CYP2A13: variants seen among roughly 807,000 people sequenced by gnomAD.
The protein encoded by CYP2A13 is cytochrome P450 2A13.
In CYP2A13, 30 loss-of-function variants were observed where a neutral mutation model predicts 39.4. The ratio of observed to expected loss-of-function variants is 0.76; its 90% CI spans 0.57 to 1.03. The LOEUF (loss-of-function observed/expected upper bound fraction) is 1.03, where lower values mean the gene tolerates loss of function less well. CYP2A13 is among the 50% of genes least tolerant of loss of function. The pLI is 0.00. For synonymous variants in CYP2A13, 269 were observed against 254.7 expected (o/e 1.06, Z -0.54); for missense variants, 731 against 648.4 (o/e 1.13, Z -1.38).
intron 5 of CYP2A13, among the ~76,000 whole-genome samples, chr19:41,093,389 C>G (rs540695933): frequency 6.6e-6 from 1 of 151,528 alleles, no homozygotes; most frequent in African/African-American, 2.4e-5. Context: ...AACCAACTGA[C>G]AGCTAAGTTG....
chr19:41,091,613 C>G (rs2031189523), intron 4 of CYP2A13, 119 bp from the exon 5 acceptor site: 1 of 1,461,484 alleles, frequency 6.8e-7, no homozygotes, highest in African/African-American at 1.4e-5. Flanking sequence ...AATACCTAAA[C>G]ACCTGGACAG....
chr19:41,089,170 C>T lies in CYP2A13; in HGVS notation c.343+79C>T. ...TGTCCCCAGCCTTCTCCCTGACTCTCCTGCCCACTGGAGGCTATGGCAGAG... is the reference window on the plus strand; with the variant it reads ...TGTCCCCAGCCTTCTCCCTGACTCTTCTGCCCACTGGAGGCTATGGCAGAG... On this transcript the variant is annotated intron_variant, in intron 2 of 8. Coordinates refer to ENST00000330436, the MANE Select transcript of CYP2A13 (RefSeq NM_000766.5). The T allele has an allele frequency of 3.1e-6, 5 of 1,591,226 alleles. 1 individual carries two copies. The South Asian group carries it at 5.8e-5, about 18-fold the overall frequency.
At chr19:41,093,925 A>G (rs1411509923) in intron 6 of CYP2A13, among the ~76,000 whole-genome samples, 154 bp downstream of exon 6, 3 of 151,994 alleles carry the variant, frequency 2.0e-5, no homozygotes, top group Non-Finnish European at 4.4e-5. Context: ...GCATCAGCTG[A>G]GTCTCATTAG....
intron 5 of CYP2A13, among the ~76,000 whole-genome samples, chr19:41,093,206 C>CAA (rs111881633): frequency 1.8e-4 from 24 of 133,718 alleles, no homozygotes; most frequent in African/African-American, 4.7e-4. Flanking sequence ...GACCGTGTCT[C>CAA]AAAAAAAAAA....
At chr19:41,095,156 C>T (rs1411741509) in intron 8 of CYP2A13, 56 bp downstream of exon 8, 9 of 1,613,616 alleles carry the variant, frequency 5.6e-6, no homozygotes, top group Non-Finnish European at 7.6e-6. Context: ...GGGCCTCTCT[C>T]ACCCACCTCC....
intron 8 of CYP2A13, 36 bp downstream of exon 8, chr19:41,095,136 A>G (rs769819999): frequency 1.4e-5 from 22 of 1,613,734 alleles, no homozygotes; most frequent in Non-Finnish European, 1.8e-5. Flanking sequence ...GCCACGGCTC[A>G]CACCAGCAGG....
chr19:41,089,004 G>A lies in CYP2A13; in HGVS notation c.256G>A (p.Ala86Thr), dbSNP rs775600043. ...RRVVVLCGHDAVKEALVDQAE... is the reference protein window; with the variant it reads ...RRVVVLCGHDTVKEALVDQAE... ...GGTCGTGGTGCTGTGCGGACATGAT[G>A]CCGTCAAGGAGGCTCTGGTGGACCA... The change falls in exon 2 of 9, where the codon GCC (alanine) becomes ACC (threonine). Residue 86 changes from alanine to threonine, a missense_variant. Coordinates refer to ENST00000330436, the MANE Select transcript of CYP2A13 (RefSeq NM_000766.5). The A allele has an allele frequency of 7.4e-5, 119 of 1,613,786 alleles. No homozygotes were observed. Among genetic ancestry groups the A allele is most frequent in the Non-Finnish European group, 9.4e-5 (111 of 1,179,878 alleles).
intron 4 of CYP2A13, 67 bp downstream of exon 4, chr19:41,090,631 C>G: frequency 6.2e-7 from 1 of 1,608,672 alleles, no homozygotes; most frequent in Non-Finnish European, 8.5e-7. Context: ...TACCTGGAGA[C>G]AGGTGCCCCA....
At position 41,088,681 on chromosome 19, in the gene CYP2A13, G is replaced by A. The variant is rs368977268; in HGVS notation, c.180+30G>A. 2.9e-5 allele frequency: 47 copies of A among 1,599,300 alleles called. No homozygotes were observed. The African/African-American group carries it at 4.9e-4, about 17-fold the overall frequency. On this transcript the variant is annotated intron_variant, in intron 1 of 8. Coordinates refer to ENST00000330436, the MANE Select transcript of CYP2A13 (RefSeq NM_000766.5). ...CCTAAGGCAGGGAGATGGGTGGCAC[G>A]GGGTGGGGGCTGCCCAGTTGGCTGG...
Position 41,088,466 on chromosome 19 carries a change from G to A in CYP2A13, c.-6G>A, listed in dbSNP as rs1265303124. 5 of 1,611,594 alleles carry A rather than the reference G, an allele frequency of 3.1e-6. No individual in the cohort carries two copies. The highest frequency in any genetic ancestry group is 4.2e-6 in the Non-Finnish European group (5 of 1,178,458). On this transcript the variant is annotated 5_prime_UTR_variant, in exon 1 of 9. Transcript: ENST00000330436. The stretch of plus-strand genomic sequence containing the variant: ...AGCCATCACCATCTATCATCCCACT[G>A]CCACCATGCTGGCCTCAGGGCTGCT...
chr19:41,089,721 G>A (rs2031125901), intron 2 of CYP2A13, among the ~76,000 whole-genome samples: 1 of 150,844 alleles, frequency 6.6e-6, no homozygotes, highest in Non-Finnish European at 1.5e-5. Context: ...CCTCCATGGA[G>A]TATCCCCGTA....
rs3745284 is a variant in CYP2A13 at position 41,096,042 on chromosome 19, G to C, written c.*101G>C. ...GGGCGGGGCTAAGAATGGGGGCAGT[G>C]GGGGAAGGAAGGGGAGAGGTGGTTA... On this transcript the variant is annotated 3_prime_UTR_variant, in exon 9 of 9. Coordinates refer to ENST00000330436, the MANE Select transcript of CYP2A13 (RefSeq NM_000766.5). 22,717 of 1,408,670 alleles carry C rather than the reference G, an allele frequency of 0.016. 1,136 individuals carry two copies. The highest frequency in any genetic ancestry group is 0.13 in the African/African-American group (8,748 of 64,892). The allele number at this position is 1,408,670 out of a possible 1,614,324, so 87.3% of individuals were successfully genotyped here. A position where few individuals can be genotyped will look rare whatever the true frequency, so the allele number is the denominator to read the frequency against.
Position 41,096,009 on chromosome 19 carries a change from T to TG in CYP2A13, c.*69dup. ...AAACGGCCGGGGCAGGGGCGGGGCTTGTGGGAGGGGCGGGGCTAAGAATGG... is the reference window on the plus strand; with the variant it reads ...AAACGGCCGGGGCAGGGGCGGGGCTTGGTGGGAGGGGCGGGGCTAAGAATGG... On this transcript the variant is annotated 3_prime_UTR_variant, in exon 9 of 9. Coordinates refer to ENST00000330436, the MANE Select transcript of CYP2A13 (RefSeq NM_000766.5). 1 of 564,334 alleles carries TG rather than the reference T, an allele frequency of 1.8e-6. No homozygotes were observed. Among genetic ancestry groups the TG allele is most frequent in the Non-Finnish European group, 2.4e-6 (1 of 421,844 alleles). 35.0% of individuals were successfully genotyped at this position (564,334 alleles called of 1,614,324 possible). A position where few individuals can be genotyped will look rare whatever the true frequency, so the allele number is the denominator to read the frequency against.
chr19:41,088,544 C>T lies in CYP2A13; in HGVS notation c.73C>T (p.Arg25Trp), dbSNP rs146048739. 4.0e-5 allele frequency: 65 copies of T among 1,613,856 alleles called. No individual in the cohort carries two copies. Among genetic ancestry groups the T allele is most frequent in the Middle Eastern group, 1.6e-4 (1 of 6,080 alleles). ...LTVMVLMSVW[R>W]QRKSRGKLPP... ...TGTGATGGTCTTGATGTCAGTCTGG[C>T]GGCAGAGGAAGAGCAGGGGGAAGCT... Residue 25 changes from arginine to tryptophan, a missense_variant, in exon 1 of 9, where the codon CGG (arginine) becomes TGG (tryptophan). Coordinates refer to ENST00000330436, the MANE Select transcript of CYP2A13 (RefSeq NM_000766.5).
At position 41,094,444 on chromosome 19, in the gene CYP2A13, C is replaced by G; in HGVS notation, c.1161+12C>G. On this transcript the variant is annotated intron_variant, in intron 7 of 8. Transcript: ENST00000330436. ...TCTTCCTCCCTAAGGTGCTGTCTCC[C>G]CTCCACCACCACCACTCAGACTACG... is the stretch of plus-strand genomic sequence containing the variant. 3.7e-6 allele frequency: 6 copies of G among 1,614,008 alleles called. No homozygotes were observed. Among genetic ancestry groups the G allele is most frequent in the Non-Finnish European group, 5.1e-6 (6 of 1,179,950 alleles).
chr19:41,093,074 G>A (rs1288171010), intron 5 of CYP2A13, among the ~76,000 whole-genome samples: 2 of 152,020 alleles, frequency 1.3e-5, no homozygotes, highest in Admixed American at 6.6e-5. Flanking sequence ...GCATGGTGGT[G>A]CATGCCTGCG....
At position 41,090,145 on chromosome 19, in the gene CYP2A13, C is replaced by T; in HGVS notation, c.442C>T (p.Arg148Cys). 2 of 1,603,548 alleles carry T rather than the reference C, an allele frequency of 1.2e-6. No individual in the cohort carries two copies. Among genetic ancestry groups the T allele is most frequent in the African/African-American group, 1.3e-5 (1 of 74,884 alleles). The change falls in exon 3 of 9, where the codon CGC becomes TGC. Residue 148 changes from arginine (R) to cysteine (C), a missense_variant. Physicochemically the swap from Arg to Cys is radical, Grantham distance 180. Coordinates refer to ENST00000330436, the MANE Select transcript of CYP2A13 (RefSeq NM_000766.5). ...CGTGGGCAAGCGCGGCATCGAGGAA[C>T]GCATCCAGGAGGAGGCGGGCTTCCT... Reference protein sequence around the residue: ...FGVGKRGIEERIQEEAGFLID... With the variant: ...FGVGKRGIEECIQEEAGFLID...
In CYP2A13 at chr19:41,093,551, G is replaced by T. The variant is rs2031234711; in HGVS notation, c.832-79G>T. On this transcript the variant is annotated intron_variant, in intron 5 of 8. Transcript: ENST00000330436. ...CACCTTTGGTCTGGACCAAAGAGAG[G>T]TAGCTCCAAAGGAAAAGCCCTAGAA... 3.2e-6 allele frequency: 5 copies of T among 1,562,512 alleles called. No homozygotes were observed. In the Admixed American group the frequency reaches 7.2e-5, roughly 23 times the overall value.
rs768663694 is a variant in CYP2A13, at chr19:41,091,762, C to T, written c.685C>T (p.His229Tyr). Residue 229 changes from histidine (H) to tyrosine (Y), a missense_variant, in exon 5 of 9, where the codon CAC (histidine) becomes TAC (tyrosine). By Grantham distance (83) the His-to-Tyr change is moderately conservative. Transcript: ENST00000330436. Reference protein sequence around the residue: ...LYEMFSSVMKHLPGPQQQAFK... With the variant: ...LYEMFSSVMKYLPGPQQQAFK... ...TGAGATGTTCTCTTCGGTGATGAAA[C>T]ACCTGCCAGGACCACAGCAACAGGC... The T allele has an allele frequency of 1.9e-6, 3 of 1,614,010 alleles. No homozygotes were observed. The highest frequency in any genetic ancestry group is 4.5e-5 in the East Asian group (2 of 44,886).
Sources: gnomAD v4.1 joint callset for allele counts (sites outside exome capture counted in the v4.1 genomes callset) on GRCh38, gnomAD v4.1.1 for gene constraint, MANE v1.5 for transcripts, NCBI Gene and HGNC (gene_info 2026-07-23, HGNC 2026-07-21) for gene names.